The following DSCAM variants were observed in gnomAD, a reference collection of about 807,000 sequenced individuals.
DSCAM encodes cell adhesion molecule DSCAM.
Under a neutral mutation model 217.7 loss-of-function variants are expected in DSCAM, and 47 were observed. The observed-to-expected ratio is 0.22, with a 90% CI of 0.17 to 0.28. The LOEUF (loss-of-function observed/expected upper bound fraction) is 0.28. Among genes scored for constraint, DSCAM ranks in the 10% least tolerant of loss-of-function variants. The probability of loss-of-function intolerance (pLI) is 1.00; values close to 1 mark genes in which losing one functional copy is unlikely to be tolerated. For missense variants in DSCAM, 2,080 were observed against 2,618.3 expected, an observed-to-expected ratio of 0.79 and a Z score of 4.49; for synonymous variants, 1,056 against 1,015.3, an observed-to-expected ratio of 1.04 and a Z score of -0.76.
intron 1 of DSCAM, among the ~76,000 whole-genome samples, chr21:40,765,682 G>GA (rs898722959): frequency 3.9e-5 from 6 of 152,144 alleles, no homozygotes; most frequent in South Asian, 2.1e-4. Context: ...GTTTCCTCCA[G>GA]AAAAAATTAG....
intron 15 of DSCAM, among the ~76,000 whole-genome samples, chr21:40,173,931 T>C (rs1283718016): frequency 6.6e-6 from 1 of 152,166 alleles, no homozygotes; most frequent in African/African-American, 2.4e-5. Context: ...CACAGATTTA[T>C]AGTGAAAATA....
At chr21:40,072,043 G>A (rs765457469) in intron 27 of DSCAM, among the ~76,000 whole-genome samples, 2 of 152,144 alleles carry the variant, frequency 1.3e-5, no homozygotes, top group African/African-American at 2.4e-5. Context: ...GCACAGTTAC[G>A]GAGATGAGTC....
intron 3 of DSCAM, among the ~76,000 whole-genome samples, chr21:40,455,837 TGATA>T (rs780003207): frequency 2.0e-5 from 3 of 151,744 alleles, no homozygotes; most frequent in African/African-American, 7.3e-5. Flanking sequence ...GATTGATAGA[TGATA>T]GATAGATGAT....
intron 3 of DSCAM, among the ~76,000 whole-genome samples, chr21:40,480,713 C>T (rs555395535): frequency 9.8e-4 from 150 of 152,298 alleles, no homozygotes; most frequent in African/African-American, 2.9e-3. Flanking sequence ...AGCGATGTGC[C>T]ACATGGTTTT....
At chr21:40,028,799 C>G (rs893347155) in intron 32 of DSCAM, among the ~76,000 whole-genome samples, 1 of 152,204 alleles carries the variant, frequency 6.6e-6, no homozygotes, top group African/African-American at 2.4e-5. Flanking sequence ...CCGTCTTCTG[C>G]GTCGCTCACG....
intron 3 of DSCAM, among the ~76,000 whole-genome samples, chr21:40,606,669 C>G (rs181195157): frequency 5.3e-5 from 8 of 152,310 alleles, no homozygotes; most frequent in African/African-American, 7.2e-5. Context: ...CTGAGCAGCC[C>G]ACTTCTGTAT....
chr21:40,098,917 T>C lies in DSCAM; in HGVS notation c.3697-5043A>G, dbSNP rs540875122. On this transcript the variant is annotated intron_variant, in intron 20 of 32. Transcript: ENST00000400454. ...ACTCCAGTCACGTCTTAGAGTATTA[T>C]GGGAAAATTAGTCCCTCTAGAAGTT... Among the ~76,000 whole-genome samples, 3 of 152,286 alleles carry C rather than the reference T, an allele frequency of 2.0e-5. 1 individual carries two copies. The highest frequency in any genetic ancestry group is 4.1e-4 in the South Asian group (2 of 4,824).
chr21:40,435,432 T>A (rs1299938798), intron 3 of DSCAM, among the ~76,000 whole-genome samples: 11 of 152,036 alleles, frequency 7.2e-5, no homozygotes, highest in Admixed American at 7.2e-4. Context: ...AATCTTTATG[T>A]CAAACCCTGG....
rs886581078 is a variant in DSCAM, at chr21:40,052,222, GC to G, written c.5036-116del. 5.3e-5 allele frequency: 61 copies of G among 1,149,596 alleles called. No individual in the cohort carries two copies. In the African/African-American group the frequency reaches 9.2e-4, roughly 17 times the overall value. 71.2% of individuals were successfully genotyped at this position (1,149,596 alleles called of 1,614,324 possible). A position where few individuals can be genotyped will look rare whatever the true frequency, so the allele number is the denominator to read the frequency against. On this transcript the variant is annotated intron_variant, in intron 29 of 32. Coordinates refer to ENST00000400454, the MANE Select transcript of DSCAM (RefSeq NM_001389.5). ...ATTGTTAATGACAACCACAATAATA[GC>G]CCCATCTAAAGTGACAAAAATGATT...
At chr21:40,070,476 A>G (rs2089279333) in intron 27 of DSCAM, among the ~76,000 whole-genome samples, 1 of 152,224 alleles carries the variant, frequency 6.6e-6, no homozygotes, top group African/African-American at 2.4e-5. Context: ...GCACAGAACT[A>G]AAGAGTTTCA....
At chr21:40,260,418 G>A (rs531191562) in intron 11 of DSCAM, among the ~76,000 whole-genome samples, 9 of 152,326 alleles carry the variant, frequency 5.9e-5, no homozygotes, top group African/African-American at 1.4e-4. Context: ...AGCAGATGGT[G>A]GGTCACTGCC....
chr21:40,306,974 A>G (rs2074084565), intron 9 of DSCAM, among the ~76,000 whole-genome samples: 1 of 152,064 alleles, frequency 6.6e-6, no homozygotes, highest in Admixed American at 6.6e-5. Context: ...GTTAGGGAGG[A>G]TTCCCTCTTT....
At chr21:40,710,823 T>A (rs1158766790) in intron 1 of DSCAM, among the ~76,000 whole-genome samples, 1 of 152,228 alleles carries the variant, frequency 6.6e-6, no homozygotes, top group African/African-American at 2.4e-5. Context: ...TAGTTACATA[T>A]TTGTAAGAGA....
At chr21:40,353,369 A>T in intron 5 of DSCAM, 96 bp downstream of exon 5, 1 of 1,514,726 alleles carries the variant, frequency 6.6e-7, no homozygotes, top group Non-Finnish European at 8.9e-7. Context: ...TTTGGGAGTT[A>T]ATGGAAAGCT....
chr21:40,294,973 T>C (rs1250465860), intron 10 of DSCAM, among the ~76,000 whole-genome samples: 2 of 152,314 alleles, frequency 1.3e-5, no homozygotes, highest in African/African-American at 2.4e-5. Flanking sequence ...CCTTCCCCAC[T>C]TCTTTACCTT....
chr21:40,530,650 T>C (rs1442901968), intron 3 of DSCAM, among the ~76,000 whole-genome samples: 1 of 152,188 alleles, frequency 6.6e-6, no homozygotes, highest in Non-Finnish European at 1.5e-5. Flanking sequence ...TTCCTCTCAC[T>C]TGGAAATCCC....
chr21:40,243,250 GA>G (rs1303723775), intron 11 of DSCAM, among the ~76,000 whole-genome samples: 2 of 151,924 alleles, frequency 1.3e-5, no homozygotes. Context: ...CAATCATAAA[GA>G]AAAAGGAAAA....
intron 3 of DSCAM, among the ~76,000 whole-genome samples, chr21:40,486,562 A>C (rs1275287940): frequency 6.6e-6 from 1 of 151,952 alleles, no homozygotes; most frequent in East Asian, 1.9e-4. Flanking sequence ...AAGGAATGAG[A>C]AGGCCCTCAG....
intron 27 of DSCAM, among the ~76,000 whole-genome samples, chr21:40,074,805 G>C (rs560789209): frequency 1.3e-5 from 2 of 152,248 alleles, no homozygotes; most frequent in East Asian, 3.9e-4. Flanking sequence ...AGGATTTAGG[G>C]GACAGGTTGG....
Sources: allele counts gnomAD v4.1 joint callset (sites outside exome capture counted in the v4.1 genomes callset), GRCh38; gene constraint gnomAD v4.1.1; transcripts MANE v1.5; gene names NCBI Gene and HGNC (gene_info 2026-07-23, HGNC 2026-07-21).